Variants in SYTL2 observed in about 807,000 individuals in gnomAD.
The protein encoded by SYTL2 is synaptotagmin like 2.
Under a neutral mutation model 198.7 loss-of-function variants are expected in SYTL2, and 165 were observed. The observed-to-expected ratio is 0.83, with a 90% CI of 0.73 to 0.94. The LOEUF (loss-of-function observed/expected upper bound fraction) is 0.94, where lower values mean the gene tolerates loss of function less well. Ranked by LOEUF, SYTL2 falls within the 40% of genes least tolerant of loss-of-function variation. The probability of loss-of-function intolerance (pLI) is 0.00; values close to 1 mark genes in which losing one functional copy is unlikely to be tolerated. For missense variants in SYTL2, 2,835 were observed against 2,582.8 expected (o/e 1.10, Z -2.12); for synonymous variants, 966 against 917.7 (o/e 1.05, Z -0.95).
chr11:85,854,645 G>T, the SYTL2 span: 1 of 152,284 alleles, frequency 6.6e-6, no homozygotes, highest in East Asian at 1.9e-4. Context: ...AAGAAGACAA[G>T]CCGCCATTGT....
At chr11:85,728,130 T>C in intron 7 of SYTL2, 163 bp from the exon 8 acceptor site, 1 of 622,552 alleles carries the variant, frequency 1.6e-6, no homozygotes, top group Non-Finnish European at 2.7e-6. Context: ...GTTGTCCTAA[T>C]TAAGGTATTC....
intron 1 of SYTL2, among the ~76,000 whole-genome samples, chr11:85,780,305 T>C (rs994132472): frequency 6.6e-5 from 10 of 152,236 alleles, no homozygotes; most frequent in African/African-American, 2.4e-4. Context: ...TCCTGGTACA[T>C]AGCTCCTAAA....
intron 17 of SYTL2, among the ~76,000 whole-genome samples, chr11:85,699,039 T>C (rs900950476): frequency 6.6e-6 from 1 of 152,220 alleles, no homozygotes; most frequent in Non-Finnish European, 1.5e-5. Flanking sequence ...GGATCTATCA[T>C]AAGCTCATCT....
chr11:85,793,160 G>C (rs2092755810), intron 1 of SYTL2, among the ~76,000 whole-genome samples: 6 of 151,466 alleles, frequency 4.0e-5, no homozygotes, highest in Admixed American at 3.9e-4. Context: ...GGGATGGCTG[G>C]GTCAAATGGT....
Position 85,718,911 on chromosome 11 carries a change from T to A in SYTL2, c.5429-68A>T, listed in dbSNP as rs1399851192. 31 of 1,588,032 alleles carry A rather than the reference T, an allele frequency of 2.0e-5. 1 individual carries two copies. The highest frequency in any genetic ancestry group is 2.6e-5 in the Non-Finnish European group (30 of 1,166,770). Reference sequence around the variant, plus strand: ...TGGAGAGAAAAGAACAATGAGATTGTCCCTGGAAGCCCCCGGAGTTGGAAG... The same window carrying A: ...TGGAGAGAAAAGAACAATGAGATTGACCCTGGAAGCCCCCGGAGTTGGAAG... On this transcript the variant is annotated intron_variant, in intron 9 of 19. Coordinates refer to ENST00000359152, the MANE Select transcript of SYTL2 (RefSeq NM_206927.4).
the SYTL2 span, among the ~76,000 whole-genome samples, chr11:85,846,619 G>A: frequency 6.6e-6 from 1 of 151,856 alleles, no homozygotes; most frequent in Non-Finnish European, 1.5e-5. Flanking sequence ...TAGAGATGCA[G>A]TTTCACCATG....
intron 5 of SYTL2, among the ~76,000 whole-genome samples, chr11:85,737,183 G>T (rs748651751): frequency 6.6e-6 from 1 of 152,254 alleles, no homozygotes; most frequent in East Asian, 1.9e-4. Flanking sequence ...ACTGTCTATA[G>T]TTTAATAAAT....
At chr11:85,787,306 C>A (rs1456942620) in intron 1 of SYTL2, among the ~76,000 whole-genome samples, 1 of 152,162 alleles carries the variant, frequency 6.6e-6, no homozygotes, top group East Asian at 1.9e-4. Flanking sequence ...TCAATGTCAC[C>A]CTCACTAGAT....
chr11:85,699,428 A>G (rs1174117507), intron 17 of SYTL2, among the ~76,000 whole-genome samples: 1 of 152,226 alleles, frequency 6.6e-6, no homozygotes, highest in Non-Finnish European at 1.5e-5. Flanking sequence ...TGGGATTTCT[A>G]TGAATGTTGA....
At chr11:85,696,495 T>C in intron 18 of SYTL2, 107 bp from the exon 19 acceptor site, 2 of 927,206 alleles carry the variant, frequency 2.2e-6, no homozygotes, top group East Asian at 5.1e-5. Flanking sequence ...GAGGAAAAGA[T>C]GTGGAGAGAT....
chr11:85,759,922 G>T (rs905401420), intron 1 of SYTL2, among the ~76,000 whole-genome samples: 3 of 152,156 alleles, frequency 2.0e-5, no homozygotes, highest in Non-Finnish European at 2.9e-5. Context: ...CAGATTCAAT[G>T]ATTATTCCTA....
chr11:85,844,219 A>G, the SYTL2 span, among the ~76,000 whole-genome samples: 24 of 152,258 alleles, frequency 1.6e-4, 1 homozygote, highest in South Asian at 5.0e-3. Context: ...TAGACATTTC[A>G]TTTACATAGA....
At chr11:85,762,983 G>T (rs183292505) in intron 1 of SYTL2, among the ~76,000 whole-genome samples, 4 of 152,270 alleles carry the variant, frequency 2.6e-5, no homozygotes, top group East Asian at 1.9e-4. Flanking sequence ...GGTGGAAGGG[G>T]ATTGAGCTTC....
intron 3 of SYTL2, among the ~76,000 whole-genome samples, chr11:85,747,496 A>G (rs2091236038): frequency 6.6e-6 from 1 of 152,046 alleles, no homozygotes; most frequent in African/African-American, 2.4e-5. Context: ...TTCCCCCCAA[A>G]CCTTTAGGCA....
chr11:85,727,872 G>C lies in SYTL2; in HGVS notation c.1486C>G (p.Leu496Val), dbSNP rs371522562. ...GAACGTGAAGATGTCTTAGCTTTTAGAGCCGGGAGAGGAGGGGGCTTACCT... is the reference window on the plus strand; with the variant it reads ...GAACGTGAAGATGTCTTAGCTTTTACAGCCGGGAGAGGAGGGGGCTTACCT... ...QQGKPPPLPA[L>V]KAKTSSRSGP... Residue 496 changes from leucine (L) to valine (V), a missense_variant, in exon 8 of 20, where the codon CTA (leucine) becomes GTA (valine). By Grantham distance (32) the Leu-to-Val change is conservative. Transcript: ENST00000359152. The C allele has an allele frequency of 1.0e-4, 165 of 1,613,258 alleles. No individual in the cohort carries two copies. The highest frequency in any genetic ancestry group is 8.4e-4 in the African/African-American group (63 of 74,950).
chr11:85,801,627 T>C (rs1398377094), intron 1 of SYTL2, among the ~76,000 whole-genome samples: 1 of 152,206 alleles, frequency 6.6e-6, no homozygotes, highest in Non-Finnish European at 1.5e-5. Context: ...AGCAGTGTTA[T>C]TATCCTAAAG....
the SYTL2 span, among the ~76,000 whole-genome samples, chr11:85,834,775 T>C: frequency 1.3e-5 from 2 of 151,982 alleles, no homozygotes; most frequent in African/African-American, 2.4e-5. Flanking sequence ...TTTTTTTTCT[T>C]TTTTGAGACA....
chr11:85,766,794 C>T (rs765373950), intron 1 of SYTL2, among the ~76,000 whole-genome samples: 4 of 152,212 alleles, frequency 2.6e-5, no homozygotes, highest in Non-Finnish European at 4.4e-5. Flanking sequence ...GGCTATAAAA[C>T]TTTTAACCAG....
the SYTL2 span, among the ~76,000 whole-genome samples, chr11:85,829,453 C>A: frequency 6.6e-6 from 1 of 152,100 alleles, no homozygotes; most frequent in Non-Finnish European, 1.5e-5. Flanking sequence ...AATCCACTGT[C>A]GATGGGCACG....
Sources: gnomAD v4.1 joint callset for allele counts (sites outside exome capture counted in the v4.1 genomes callset) on GRCh38, gnomAD v4.1.1 for gene constraint, MANE v1.5 for transcripts, NCBI Gene and HGNC (gene_info 2026-07-23, HGNC 2026-07-21) for gene names.